Variants in MCF2L observed in about 807,000 individuals in gnomAD.
MCF2L encodes the protein guanine nucleotide exchange factor DBS.
Under a neutral mutation model 153.4 loss-of-function variants are expected in MCF2L, and 97 were observed. The ratio of observed to expected loss-of-function variants is 0.63; its 90% CI spans 0.54 to 0.75. MCF2L has a LOEUF of 0.75. MCF2L is among the 30% of genes least tolerant of loss of function. The pLI, the probability that MCF2L is intolerant of heterozygous loss-of-function variation, is 0.00. For synonymous variants in MCF2L, 659 were observed against 632.2 expected (o/e 1.04, Z -0.64); for missense variants, 1,347 against 1,495.2 (o/e 0.90, Z 1.64).
intron 3 of MCF2L, among the ~76,000 whole-genome samples, chr13:113,042,069 G>A (rs2086529595): frequency 6.6e-6 from 1 of 152,180 alleles, no homozygotes. Context: ...TAGCACAGCT[G>A]AGGATAGTCT....
intron 2 of MCF2L, among the ~76,000 whole-genome samples, chr13:112,940,191 A>AT (rs1398156228): frequency 3.9e-5 from 6 of 152,290 alleles, no homozygotes; most frequent in Non-Finnish European, 8.8e-5. Flanking sequence ...CATAATAAAT[A>AT]TTTTGTCCTT....
In MCF2L at chr13:113,028,489, A is replaced by G. The variant is rs2085445770; in HGVS notation, c.278+3731A>G. On this transcript the variant is annotated intron_variant, in intron 3 of 29. Transcript: ENST00000535094. The surrounding 1 kb of genome is among the most constrained non-coding windows in gnomAD (Gnocchi z 5.4). ...ACAAGACCCACTCAGCCACCTCTGT[A>G]GATTGCGCATCTGTGAGTCGCACAG... 2.6e-5 allele frequency among the ~76,000 whole-genome samples: 4 copies of G among 152,164 alleles called. No homozygotes were observed. The South Asian group carries it at 8.3e-4, about 32-fold the overall frequency.
intron 2 of MCF2L, chr13:112,909,295 T>TCTCGGGAGGCA: frequency 1.3e-6 from 1 of 779,724 alleles, no homozygotes; most frequent in Non-Finnish European, 2.4e-6. Context: ...GTCCTGCCAG[T>TCTCGGGAGGCA]CTCGGGAGGC....
rs749848889 is a variant in MCF2L at position 113,094,600 on chromosome 13, G to A, written c.3040G>A (p.Ala1014Thr). ...AGAGGAGCAGATTAACTCGTCCGAC[G>A]CAGAGGAGGACGGCGGGTTGGGCCC... ...SAEEQINSSDAEEDGGLGPKK... is the reference protein window; with the variant it reads ...SAEEQINSSDTEEDGGLGPKK... Residue 1014 changes from alanine (A) to threonine (T), a missense_variant, in exon 27 of 30, where the codon GCA (alanine) becomes ACA (threonine). Around this residue, in one of 3 missense-constraint regions of MCF2L, gnomAD observed 383 missense variants for 335.4 expected, o/e 1.14. Transcript: ENST00000535094. 19 of 1,612,180 alleles carry A rather than the reference G, an allele frequency of 1.2e-5. No individual in the cohort carries two copies. The highest frequency in any genetic ancestry group is 1.6e-4 in the Middle Eastern group (1 of 6,066).
At chr13:112,917,047 C>A in intron 2 of MCF2L, 1 of 470,918 alleles carries the variant, frequency 2.1e-6, no homozygotes, top group South Asian at 1.6e-5. Flanking sequence ...TCCCCGGATT[C>A]CTGTCAACTC....
At chr13:113,037,785 G>C (rs750715078) in intron 3 of MCF2L, among the ~76,000 whole-genome samples, 39 of 152,318 alleles carry the variant, frequency 2.6e-4, no homozygotes, top group Non-Finnish European at 4.3e-4. Flanking sequence ...CAGGAACACT[G>C]TTCTCATTTC....
At chr13:113,083,942 C>A in intron 17 of MCF2L, 56 bp from the exon 18 acceptor site, 1 of 1,279,076 alleles carries the variant, frequency 7.8e-7, no homozygotes, top group Non-Finnish European at 1.1e-6. Context: ...CCACTTGTCA[C>A]TGGTCCACGT....
intron 1 of MCF2L, among the ~76,000 whole-genome samples, chr13:112,980,384 G>C (rs1008470422): frequency 6.6e-6 from 1 of 152,250 alleles, no homozygotes; most frequent in Non-Finnish European, 1.5e-5. Flanking sequence ...CTGGAACCAC[G>C]GTGGGCTGTG....
intron 1 of MCF2L, among the ~76,000 whole-genome samples, chr13:112,896,101 G>A (rs2081065287): frequency 6.6e-6 from 1 of 152,218 alleles, no homozygotes; most frequent in Non-Finnish European, 1.5e-5. Context: ...GGGACCCCGT[G>A]GCACCACCTC....
At chr13:113,085,986 G>T (rs1035708409) in intron 20 of MCF2L, 138 bp from the exon 21 acceptor site, 2 of 860,742 alleles carry the variant, frequency 2.3e-6, no homozygotes, top group Admixed American at 3.4e-5. Flanking sequence ...GCTGCAGGAG[G>T]GCAGGCAGGG....
chr13:113,020,424 C>T (rs570598571), intron 2 of MCF2L, among the ~76,000 whole-genome samples: 3 of 152,338 alleles, frequency 2.0e-5, no homozygotes, highest in African/African-American at 7.2e-5. Flanking sequence ...TGTGTATCTA[C>T]CTGTGTGTCT....
At position 113,075,956 on chromosome 13, in the gene MCF2L, G is replaced by C. The variant is rs200893569; in HGVS notation, c.1309-10G>C. 3.4e-4 allele frequency: 548 copies of C among 1,596,698 alleles called. 6 individuals are homozygous for C. Among genetic ancestry groups the C allele is most frequent in the Non-Finnish European group, 5.7e-5 (67 of 1,170,926 alleles). ...GGCGTCCTGCCCTCGGCAATGCTCTGTGTTTCCAGTCCATGAAGTGGTGTG... is the reference window on the plus strand; with the variant it reads ...GGCGTCCTGCCCTCGGCAATGCTCTCTGTTTCCAGTCCATGAAGTGGTGTG... On this transcript the variant is annotated splice_polypyrimidine_tract_variant and intron_variant, in intron 11 of 29. Coordinates refer to ENST00000535094, the MANE Select transcript of MCF2L (RefSeq NM_001112732.3).
chr13:112,910,467 G>T (rs2081219497), intron 2 of MCF2L: 2 of 152,214 alleles, frequency 1.3e-5, no homozygotes, highest in Admixed American at 1.3e-4. Context: ...TAGTTGTTGA[G>T]ATCATAATTC....
chr13:113,002,802 T>A (rs1339191473), intron 1 of MCF2L, among the ~76,000 whole-genome samples: 1 of 152,226 alleles, frequency 6.6e-6, no homozygotes, highest in African/African-American at 2.4e-5. Context: ...AAAATAAGCA[T>A]CTTTGTGAAT....
intron 1 of MCF2L, among the ~76,000 whole-genome samples, chr13:112,989,067 A>G (rs1312903778): frequency 8.5e-6 from 1 of 117,840 alleles, no homozygotes; most frequent in African/African-American, 3.2e-5. Flanking sequence ...TGGAGCTACC[A>G]CGCCCGAGTC....
At chr13:113,012,400 T>C (rs1594646301) in intron 1 of MCF2L, among the ~76,000 whole-genome samples, 1 of 91,636 alleles carries the variant, frequency 1.1e-5, no homozygotes, top group African/African-American at 4.0e-5. Context: ...CGGTGGACAC[T>C]GTGATGCGGA....
rs1177704116 is a variant in MCF2L at position 113,075,207 on chromosome 13, C to T, written c.1308+18C>T. 56 of 1,569,534 alleles carry T rather than the reference C, an allele frequency of 3.6e-5. No individual in the cohort carries two copies. The highest frequency in any genetic ancestry group is 4.8e-5 in the Non-Finnish European group (55 of 1,151,826). Reference sequence around the variant, plus strand: ...TGGAGACGGTAGGCCGAGCCGGACCCCACCCCACTCCCCCCCAGCTGCGGA... The same window carrying T: ...TGGAGACGGTAGGCCGAGCCGGACCTCACCCCACTCCCCCCCAGCTGCGGA... On this transcript the variant is annotated intron_variant, in intron 11 of 29. Transcript: ENST00000535094.
chr13:113,059,159 G>A (rs1042795955), intron 4 of MCF2L, among the ~76,000 whole-genome samples: 1 of 152,202 alleles, frequency 6.6e-6, no homozygotes, highest in South Asian at 2.1e-4. Context: ...CTTGGGGTGC[G>A]CGATCTAGAA....
chr13:112,978,755 G>A (rs2082298284), intron 1 of MCF2L, among the ~76,000 whole-genome samples: 1 of 152,240 alleles, frequency 6.6e-6, no homozygotes, highest in East Asian at 1.9e-4. Context: ...GACAGCATGT[G>A]GGCTTTCACA....
Sources: gnomAD v4.1 joint callset for allele counts (sites outside exome capture counted in the v4.1 genomes callset) on GRCh38, gnomAD v4.1.1 for gene constraint, gnomAD v4.1.1 regional missense constraint, Gnocchi (gnomAD v3.1) non-coding constraint, MANE v1.5 for transcripts, NCBI Gene and HGNC (gene_info 2026-07-23, HGNC 2026-07-21) for gene names.